MOB2: variants seen among roughly 807,000 people sequenced by gnomAD.
The protein encoded by MOB2 is MOB kinase activator 2, also known as MOB2 Mps One Binder homolog.
A neutral mutation model predicts 27.4 loss-of-function variants in MOB2; 14 were observed. The ratio of observed to expected loss-of-function variants is 0.51; its 90% CI spans 0.34 to 0.80. MOB2 has a LOEUF of 0.80. Ranked by LOEUF, MOB2 falls within the 30% of genes least tolerant of loss-of-function variation. The probability of loss-of-function intolerance (pLI) is 0.01; values close to 1 mark genes in which losing one functional copy is unlikely to be tolerated. For missense variants in MOB2, 304 were observed against 354.6 expected (o/e 0.86, Z 1.15); for synonymous variants, 167 against 151.8 (o/e 1.10, Z -0.74).
At chr11:1,481,219 C>A in intron 1 of MOB2, 1 of 413,978 alleles carries the variant, frequency 2.4e-6, no homozygotes. Context: ...CCAGCGCCCA[C>A]CTTCCAGTTT....
chr11:1,474,523 A>C (rs1847831815), intron 3 of MOB2, among the ~76,000 whole-genome samples: 1 of 152,272 alleles, frequency 6.6e-6, no homozygotes, highest in Non-Finnish European at 1.5e-5. Context: ...TTTTTGACAC[A>C]AATGACTGCT....
At chr11:1,481,743 G>T (rs1847917791) in intron 1 of MOB2, among the ~76,000 whole-genome samples, 1 of 87,578 alleles carries the variant, frequency 1.1e-5, no homozygotes, top group Non-Finnish European at 2.5e-5. Flanking sequence ...CAGGGGCAGG[G>T]AGGGGCAGGG....
chr11:1,470,498 G>A lies in MOB2; in HGVS notation c.491-10C>T. 1 of 1,607,778 alleles carries A rather than the reference G, an allele frequency of 6.2e-7. No homozygotes were observed. Among genetic ancestry groups the A allele is most frequent in the Non-Finnish European group, 8.5e-7 (1 of 1,176,342 alleles). ...CTGGGGAATTCTCTGCCTGGGGAAG[G>A]CCACCGTGTCACAAGCTGCAGACAT... On this transcript the variant is annotated splice_polypyrimidine_tract_variant and intron_variant, in intron 4 of 4. Transcript: ENST00000329957.
rs141581749 is a variant in MOB2 at position 1,469,939 on chromosome 11, G to A, written c.*233C>T. 136 of 1,001,436 alleles carry A rather than the reference G, an allele frequency of 1.4e-4. 1 individual carries two copies. In the African/African-American group the frequency reaches 1.8e-3, roughly 14 times the overall value. 62.0% of individuals were successfully genotyped at this position (1,001,436 alleles called of 1,614,324 possible). On this transcript the variant is annotated 3_prime_UTR_variant, in exon 5 of 5. Transcript: ENST00000329957. ...TCCCATGCGTGTCTGCTGAACGAGTGAATGGGCCCAAAGGCTCTTCTCTAC... is the reference window on the plus strand; with the variant it reads ...TCCCATGCGTGTCTGCTGAACGAGTAAATGGGCCCAAAGGCTCTTCTCTAC...
At chr11:1,478,297 C>T (rs534430614) in intron 3 of MOB2, among the ~76,000 whole-genome samples, 1 of 152,380 alleles carries the variant, frequency 6.6e-6, no homozygotes, top group African/African-American at 2.4e-5. Flanking sequence ...TGTCTTCTTG[C>T]ACCATCACTG....
chr11:1,482,208 G>C (rs564876253), intron 1 of MOB2, among the ~76,000 whole-genome samples: 1 of 152,236 alleles, frequency 6.6e-6, no homozygotes, highest in Non-Finnish European at 1.5e-5. Flanking sequence ...GCTACAAGCC[G>C]TCTCCCTGCT....
chr11:1,476,222 C>T (rs111704690), intron 3 of MOB2, among the ~76,000 whole-genome samples: 1,539 of 152,334 alleles, frequency 0.01, 21 homozygotes, highest in African/African-American at 0.035. Context: ...GTAACGGAAA[C>T]TGTAGATAAG....
chr11:1,481,355 GGCA>G (rs1847911747), intron 1 of MOB2: 1 of 216,726 alleles, frequency 4.6e-6, no homozygotes, highest in Non-Finnish European at 9.7e-6. Context: ...CCTTGTGCAG[GGCA>G]CCTGCCTTCC....
intron 3 of MOB2, chr11:1,472,720 C>G (rs1366171369): frequency 6.5e-6 from 1 of 152,772 alleles, no homozygotes; most frequent in African/African-American, 2.4e-5. Flanking sequence ...ACCAAGGCAC[C>G]TGGGGAGACG....
At chr11:1,483,312 C>T (rs1300194478) in intron 1 of MOB2, among the ~76,000 whole-genome samples, 2 of 152,202 alleles carry the variant, frequency 1.3e-5, no homozygotes, top group Non-Finnish European at 2.9e-5. Flanking sequence ...GAGCAGGCCC[C>T]GGCCGCAGGC....
chr11:1,486,506 C>A lies in MOB2; in HGVS notation c.51G>T (p.Gln17His). The change falls in exon 1 of 5, where the codon CAG becomes CAT. Residue 17 changes from glutamine (Q) to histidine (H), a missense_variant. Transcript: ENST00000329957. Reference protein sequence around the residue: ...SLPEDQARPGQSLQSGLCCKM... With the variant: ...SLPEDQARPGHSLQSGLCCKM... ...TGCAGCAGAGTCCACTTTGCAGGGA[C>A]TGGCCGGGCCGGGCTTGGTCTTCAG... 6.5e-7 allele frequency: 1 copy of A among 1,535,876 alleles called. No homozygotes were observed. The highest frequency in any genetic ancestry group is 8.7e-7 in the Non-Finnish European group (1 of 1,146,818).
In MOB2 at chr11:1,470,442, G is replaced by A. The variant is rs754534280; in HGVS notation, c.537C>T (p.Cys179=). 6.2e-7 allele frequency: 1 copy of A among 1,613,584 alleles called. No individual in the cohort carries two copies. The highest frequency in any genetic ancestry group is 2.2e-5 in the East Asian group (1 of 44,882). Residue 179 remains cysteine (C), a synonymous_variant, in exon 5 of 5, where the codon TGC becomes TGT. Coordinates refer to ENST00000329957, the MANE Select transcript of MOB2 (RefSeq NM_001172223.3). ...SSFESLVRKI[C]RHLFHVLAHI... is the part of the protein sequence containing the mutation. ...GTGCCAGCACGTGGAACAGGTGTCT[G>A]CAGATCTTCCTCACCAGGGACTCAA...
chr11:1,470,168 G>A lies in MOB2; in HGVS notation c.*4C>T, dbSNP rs750451031. 2 of 1,592,438 alleles carry A rather than the reference G, an allele frequency of 1.3e-6. No homozygotes were observed. Among genetic ancestry groups the A allele is most frequent in the Non-Finnish European group, 1.7e-6 (2 of 1,169,966 alleles). The stretch of plus-strand genomic sequence containing the variant: ...CACGTGTGCCCCTGTCCGGCCCGGG[G>A]GGCTCATCTCTCCTTCACGTGGTTC... On this transcript the variant is annotated 3_prime_UTR_variant, in exon 5 of 5. Coordinates refer to ENST00000329957, the MANE Select transcript of MOB2 (RefSeq NM_001172223.3).
intron 1 of MOB2, among the ~76,000 whole-genome samples, chr11:1,485,624 G>A (rs989963018): frequency 1.9e-4 from 29 of 152,012 alleles, no homozygotes; most frequent in Admixed American, 3.3e-4. Context: ...AGCAGGCCAC[G>A]CTCGCCTCAC....
rs750301457 is a variant in MOB2, at chr11:1,482,653, AG to A, written c.111-1769del. ...CAGTCTCACCCTGTCCCCAGCACCC[AG>A]GGCTGGCCGGGCCCCGGAGCTTAGT... On this transcript the variant is annotated intron_variant, in intron 1 of 4. Transcript: ENST00000329957. 1.3e-4 allele frequency among the ~76,000 whole-genome samples: 20 copies of A among 152,312 alleles called. No individual in the cohort carries two copies. In the East Asian group the frequency reaches 1.7e-3, roughly 13 times the overall value.
In MOB2 at chr11:1,486,352, C is replaced by T. The variant is rs962560822; in HGVS notation, c.110+95G>A. 126 of 956,646 alleles carry T rather than the reference C, an allele frequency of 1.3e-4. 1 individual carries two copies. Among genetic ancestry groups the T allele is most frequent in the South Asian group, 1.1e-3 (73 of 65,162 alleles). The allele number at this position is 956,646 out of a possible 1,614,324, so 59.3% of individuals were successfully genotyped here. On this transcript the variant is annotated intron_variant, in intron 1 of 4. Transcript: ENST00000329957. ...TGGGAGGGCAGCCACGGACACAGTC[C>T]GCCGCCTCCCCACCCTGACCTCCTT...
At chr11:1,478,782 G>A (rs940700019) in intron 3 of MOB2, among the ~76,000 whole-genome samples, 2 of 152,184 alleles carry the variant, frequency 1.3e-5, no homozygotes, top group Non-Finnish European at 2.9e-5. Flanking sequence ...CTCCCTAGGA[G>A]TCAGACATCA....
At chr11:1,481,233 A>T in intron 1 of MOB2, 1 of 378,880 alleles carries the variant, frequency 2.6e-6, no homozygotes, top group South Asian at 2.2e-5. Context: ...CCAGTTTTCC[A>T]GTGCTCTTGG....
Position 1,486,428 on chromosome 11 carries a change from C to A in MOB2, c.110+19G>T, listed in dbSNP as rs1590769494. On this transcript the variant is annotated intron_variant, in intron 1 of 4. Transcript: ENST00000329957. ...GATGTGCTACACACCCCTCCCCCAGCCAGGCTGGCAGGTGTTACCTGAGCA... is the reference window on the plus strand; with the variant it reads ...GATGTGCTACACACCCCTCCCCCAGACAGGCTGGCAGGTGTTACCTGAGCA... The A allele has an allele frequency of 6.6e-7, 1 of 1,524,280 alleles. No individual in the cohort carries two copies. Among genetic ancestry groups the A allele is most frequent in the South Asian group, 1.2e-5 (1 of 83,806 alleles). The allele number at this position is 1,524,280 out of a possible 1,614,324, so 94.4% of individuals were successfully genotyped here. A position where few individuals can be genotyped will look rare whatever the true frequency, so the allele number is the denominator to read the frequency against.
Sources: allele counts gnomAD v4.1 joint callset (sites outside exome capture counted in the v4.1 genomes callset), GRCh38; gene constraint gnomAD v4.1.1; transcripts MANE v1.5; gene names NCBI Gene and HGNC (gene_info 2026-07-23, HGNC 2026-07-21).